The following FOXP2 variants were observed in gnomAD, a reference collection of about 807,000 sequenced individuals.
FOXP2 encodes forkhead box protein P2.
In FOXP2, 12 loss-of-function variants were observed where a neutral mutation model predicts 115.8. The observed-to-expected ratio is 0.10, with a 90% CI of 0.07 to 0.17. FOXP2 has a LOEUF of 0.17. FOXP2 is among the 10% of genes least tolerant of loss of function. The pLI, the probability that FOXP2 is intolerant of heterozygous loss-of-function variation, is 1.00. For missense variants in FOXP2, 629 were observed against 843.5 expected (o/e 0.75, Z 3.15); for synonymous variants, 328 against 297.7 (o/e 1.10, Z -1.05).
chr7:114,691,720 A>T lies in FOXP2; in HGVS notation c.*1794A>T. On this transcript the variant is annotated 3_prime_UTR_variant, in exon 17 of 17. Coordinates refer to ENST00000350908, the MANE Select transcript of FOXP2 (RefSeq NM_014491.4). ...ATTGCTTTACAAACAGTTTTGACAG[A>T]AGGTGGCTGCTAGAGCTTAACATAC... The T allele has an allele frequency of 2.2e-6, 1 of 454,216 alleles. No individual in the cohort carries two copies. The highest frequency in any genetic ancestry group is 4.4e-6 in the Non-Finnish European group (1 of 226,698). 28.1% of individuals were successfully genotyped at this position (454,216 alleles called of 1,614,324 possible).
Position 114,515,265 on chromosome 7 carries a change from T to C in FOXP2, c.169-19352T>C, listed in dbSNP as rs865879771. On this transcript the variant is annotated intron_variant, in intron 2 of 16. Transcript: ENST00000350908. ...GGATGGCTGGGTCAAATGGTATTTC[T>C]AGTTCTAGATCCCTGAGGAATCGCC... Among the ~76,000 whole-genome samples, 1,288 of 150,296 alleles carry C rather than the reference T, an allele frequency of 8.6e-3. 12 individuals carry two copies. The highest frequency in any genetic ancestry group is 0.028 in the African/African-American group (1,114 of 40,292).
intron 2 of FOXP2, among the ~76,000 whole-genome samples, chr7:114,394,632 T>C (rs564046407): frequency 7.9e-5 from 12 of 152,134 alleles, no homozygotes; most frequent in Non-Finnish European, 1.8e-4. Context: ...TCCCACTTGA[T>C]AGAATATAAT....
At chr7:114,173,935 A>G (rs1275872737) in intron 1 of FOXP2, among the ~76,000 whole-genome samples, 3 of 151,910 alleles carry the variant, frequency 2.0e-5, no homozygotes, top group African/African-American at 7.2e-5. Flanking sequence ...CTGGGTTCAA[A>G]TGTTTGCTCT....
At chr7:114,532,469 G>A (rs1053204402) in intron 2 of FOXP2, among the ~76,000 whole-genome samples, 1 of 151,794 alleles carries the variant, frequency 6.6e-6, no homozygotes, top group Non-Finnish European at 1.5e-5. Context: ...GAAACAGTAT[G>A]GCACACTGGA....
intron 3 of FOXP2, among the ~76,000 whole-genome samples, chr7:114,563,453 A>G (rs1046310232): frequency 1.3e-5 from 2 of 152,174 alleles, no homozygotes; most frequent in African/African-American, 4.8e-5. Context: ...CTCTGGCTGC[A>G]TATTGTCATT....
intron 8 of FOXP2, among the ~76,000 whole-genome samples, chr7:114,648,250 T>A (rs1806031545): frequency 1.3e-5 from 2 of 152,052 alleles, no homozygotes; most frequent in Admixed American, 1.3e-4. Context: ...CAGAATGTTG[T>A]TTCTTTTGGT....
intron 1 of FOXP2, among the ~76,000 whole-genome samples, chr7:114,206,524 G>A (rs1794206073): frequency 6.6e-6 from 1 of 151,920 alleles, no homozygotes; most frequent in Non-Finnish European, 1.5e-5. Context: ...GGCCTTCCAC[G>A]ACAATTCCAT....
At position 114,250,193 on chromosome 7, in the gene FOXP2, C is replaced by T. The variant is rs1212088964; in HGVS notation, c.-101-37826C>T. ...GCCACATTTTCTTAATCCAGTCTAT[C>T]ACTGATGGACATTTGGGTTGGTTCC... On this transcript the variant is annotated intron_variant, in intron 1 of 17. Coordinates refer to the FOXP2 transcript ENST00000634411. Among the ~76,000 whole-genome samples the T allele has an allele frequency of 2.6e-5, 4 of 152,106 alleles. No homozygotes were observed. In the East Asian group the frequency reaches 7.7e-4, roughly 29 times the overall value.
chr7:114,661,586 T>C (rs1218985160), intron 13 of FOXP2, among the ~76,000 whole-genome samples: 1 of 152,112 alleles, frequency 6.6e-6, no homozygotes, highest in Non-Finnish European at 1.5e-5. Flanking sequence ...TTCATTATTA[T>C]AGGGATGAAA....
intron 2 of FOXP2, among the ~76,000 whole-genome samples, chr7:114,531,707 C>T (rs1255610710): frequency 6.6e-6 from 1 of 151,830 alleles, no homozygotes; most frequent in Non-Finnish European, 1.5e-5. Flanking sequence ...AGATGATCCT[C>T]AGCTATTTTG....
intron 8 of FOXP2, among the ~76,000 whole-genome samples, chr7:114,648,853 T>C (rs964805584): frequency 2.0e-5 from 3 of 152,122 alleles, no homozygotes; most frequent in Non-Finnish European, 4.4e-5. Context: ...GTTTGTTCAG[T>C]GCTGCCTTTC....
At chr7:114,232,343 T>C (rs754169132) in intron 1 of FOXP2, among the ~76,000 whole-genome samples, 52 of 152,172 alleles carry the variant, frequency 3.4e-4, no homozygotes, top group Non-Finnish European at 2.9e-5. Flanking sequence ...TACCTTGTGA[T>C]CCATCAATCC....
intron 2 of FOXP2, among the ~76,000 whole-genome samples, chr7:114,439,880 A>G (rs1175507430): frequency 2.0e-5 from 3 of 152,118 alleles, no homozygotes; most frequent in East Asian, 3.9e-4. Flanking sequence ...GGCCTACATT[A>G]TCTTAAAATA....
intron 16 of FOXP2, among the ~76,000 whole-genome samples, chr7:114,686,446 A>G (rs1488783578): frequency 5.3e-5 from 8 of 152,178 alleles, no homozygotes; most frequent in African/African-American, 1.9e-4. Context: ...GTGCTGGGAT[A>G]ACAGGAGTGA....
chr7:114,515,610 G>C (rs1159307110), intron 2 of FOXP2, among the ~76,000 whole-genome samples: 3 of 151,778 alleles, frequency 2.0e-5, no homozygotes, highest in African/African-American at 4.8e-5. Context: ...TGTAGATTCT[G>C]GATATTAGCC....
rs114282315 is a variant in FOXP2, at chr7:114,119,302, A to G, written c.-247+31464A>G. On this transcript the variant is annotated intron_variant, in intron 1 of 19. Transcript: ENST00000635638. ...ACAAAACGGGCAGCTGGAATTACCA[A>G]TATTTTCTGGCAGAATGTTTTGTTA... Among the ~76,000 whole-genome samples, 293 of 152,230 alleles carry G rather than the reference A, an allele frequency of 1.9e-3. 1 individual carries two copies. The highest frequency in any genetic ancestry group is 6.7e-3 in the African/African-American group (279 of 41,566).
At chr7:114,546,676 GA>G (rs562746830) in intron 3 of FOXP2, among the ~76,000 whole-genome samples, 19 of 147,120 alleles carry the variant, frequency 1.3e-4, no homozygotes, top group East Asian at 5.9e-4. Context: ...GCATCAAAAA[GA>G]AAAAAAAAAT....
chr7:114,307,999 C>A (rs527752119), intron 2 of FOXP2, among the ~76,000 whole-genome samples: 1 of 151,998 alleles, frequency 6.6e-6, no homozygotes, highest in Non-Finnish European at 1.5e-5. Context: ...AGGGAAGGAG[C>A]GTTAATTAAT....
intron 1 of FOXP2, among the ~76,000 whole-genome samples, chr7:114,145,840 C>T (rs999675348): frequency 6.6e-5 from 10 of 151,920 alleles, no homozygotes; most frequent in African/African-American, 2.4e-4. Context: ...TTAAATTATC[C>T]TATTGTATAG....
Sources: allele counts gnomAD v4.1 joint callset (sites outside exome capture counted in the v4.1 genomes callset), GRCh38; gene constraint gnomAD v4.1.1; transcripts MANE v1.5; gene names NCBI Gene and HGNC (gene_info 2026-07-23, HGNC 2026-07-21).